Variants in RASEF observed in about 807,000 individuals in gnomAD.
RASEF encodes the protein RAS and EF-hand domain containing.
RASEF carries 68 observed loss-of-function variants against 90.1 expected under a neutral mutation model. The ratio of observed to expected loss-of-function variants is 0.75; its 90% CI spans 0.62 to 0.92. The LOEUF (loss-of-function observed/expected upper bound fraction) is 0.92. RASEF is among the 40% of genes least tolerant of loss of function. RASEF has a pLI of 0.00. For missense variants in RASEF, 949 were observed against 937.2 expected (o/e 1.01, Z -0.16); for synonymous variants, 331 against 345.2 (o/e 0.96, Z 0.46).
At chr9:83,132,918 T>C in the RASEF span, among the ~76,000 whole-genome samples, 4 of 152,186 alleles carry the variant, frequency 2.6e-5, no homozygotes, top group Admixed American at 2.6e-4. Context: ...TCTTGGTAAC[T>C]CCTGTGTGTG....
At chr9:83,128,569 T>C in the RASEF span, among the ~76,000 whole-genome samples, 1 of 151,616 alleles carries the variant, frequency 6.6e-6, no homozygotes, top group East Asian at 1.9e-4. Flanking sequence ...AACCACCCAG[T>C]TTTGGGTGGG....
the RASEF span, among the ~76,000 whole-genome samples, chr9:83,199,628 A>C: frequency 6.6e-6 from 1 of 152,252 alleles, no homozygotes; most frequent in Non-Finnish European, 1.5e-5. Flanking sequence ...ACTAAAGGAC[A>C]ACATCTGTCA....
the RASEF span, among the ~76,000 whole-genome samples, chr9:83,118,482 G>A: frequency 2.0e-5 from 3 of 151,864 alleles, no homozygotes; most frequent in African/African-American, 4.9e-5. Flanking sequence ...TTTATTTCTC[G>A]TATTTCTTTC....
intron 5 of RASEF, among the ~76,000 whole-genome samples, chr9:83,010,474 AT>A (rs1425572794): frequency 6.6e-6 from 1 of 152,186 alleles, no homozygotes; most frequent in African/African-American, 2.4e-5. Flanking sequence ...GAAATGGAAG[AT>A]TAGAGGAAGT....
the RASEF span, among the ~76,000 whole-genome samples, chr9:83,144,801 G>C: frequency 1.8e-4 from 27 of 152,180 alleles, no homozygotes; most frequent in Non-Finnish European, 3.1e-4. Flanking sequence ...CCAGGGCTCA[G>C]AGTGGCATGA....
At chr9:82,997,166 G>T in intron 13 of RASEF, 40 bp from the exon 14 acceptor site, 1 of 1,247,822 alleles carries the variant, frequency 8.0e-7, no homozygotes, top group Non-Finnish European at 1.2e-6. Flanking sequence ...AGTTTGTGTT[G>T]CCTCATTCTT....
chr9:83,202,343 C>A, the RASEF span, among the ~76,000 whole-genome samples: 2 of 152,096 alleles, frequency 1.3e-5, no homozygotes, highest in East Asian at 3.8e-4. Flanking sequence ...GAAAACAGAA[C>A]TATAAATAAT....
At chr9:83,204,750 T>G in the RASEF span, among the ~76,000 whole-genome samples, 1 of 152,336 alleles carries the variant, frequency 6.6e-6, no homozygotes, top group Non-Finnish European at 1.5e-5. Flanking sequence ...TTGATGATGC[T>G]GATACTGATA....
At chr9:83,218,920 G>T in the RASEF span, among the ~76,000 whole-genome samples, 6 of 152,170 alleles carry the variant, frequency 3.9e-5, no homozygotes, top group Admixed American at 6.5e-5. Context: ...CCGTGCAAAG[G>T]CAAATTGCTA....
intron 1 of RASEF, chr9:83,048,690 T>A: frequency 1.0e-6 from 1 of 985,412 alleles, no homozygotes; most frequent in Non-Finnish European, 1.2e-6. Flanking sequence ...TTTTCCATAG[T>A]GTTATGCCCT....
chr9:83,027,252 T>A (rs1829564786), intron 1 of RASEF, among the ~76,000 whole-genome samples: 1 of 152,166 alleles, frequency 6.6e-6, no homozygotes, highest in African/African-American at 2.4e-5. Context: ...TTATGGTGAT[T>A]GCACTGCACA....
At chr9:83,045,798 GCCC>G (rs1332571812) in intron 1 of RASEF, among the ~76,000 whole-genome samples, 2 of 152,138 alleles carry the variant, frequency 1.3e-5, no homozygotes, top group Admixed American at 1.3e-4. Context: ...TTCCCAGTGT[GCCC>G]CCAAGTAACA....
At chr9:83,071,019 G>A in the RASEF span, among the ~76,000 whole-genome samples, 1 of 152,134 alleles carries the variant, frequency 6.6e-6, no homozygotes, top group Non-Finnish European at 1.5e-5. Flanking sequence ...CTGTTTTATA[G>A]AATTCTTAGA....
Position 82,992,984 on chromosome 9 carries a change from G to A in RASEF, c.1962C>T (p.Asn654=), listed in dbSNP as rs1279817972. 1.9e-6 allele frequency: 3 copies of A among 1,613,682 alleles called. No homozygotes were observed. Among genetic ancestry groups the A allele is most frequent in the African/African-American group, 2.7e-5 (2 of 74,810 alleles). The change falls in exon 15 of 17, where the codon AAC becomes AAT. Residue 654 remains asparagine (N), a synonymous_variant. Transcript: ENST00000376447. ...CAGCAGTGTCACGAATGTCAGCCTT[G>A]TTTCCTACCAGCATAATGGGAACAG... is the stretch of plus-strand genomic sequence containing the variant. ...HETVPIMLVG[N]KADIRDTAAT...
At chr9:83,120,858 C>T in the RASEF span, among the ~76,000 whole-genome samples, 47 of 152,204 alleles carry the variant, frequency 3.1e-4, no homozygotes, top group African/African-American at 1.0e-3. Flanking sequence ...TTGAGAAACC[C>T]GGAATTCCTT....
At chr9:83,033,133 C>T (rs1332788196) in intron 1 of RASEF, among the ~76,000 whole-genome samples, 7 of 152,104 alleles carry the variant, frequency 4.6e-5, no homozygotes, top group Non-Finnish European at 1.0e-4. Flanking sequence ...CGAAAGCACA[C>T]AGTAATAAAT....
At chr9:83,045,571 G>A (rs1465904117) in intron 1 of RASEF, among the ~76,000 whole-genome samples, 1 of 152,194 alleles carries the variant, frequency 6.6e-6, no homozygotes, top group Non-Finnish European at 1.5e-5. Flanking sequence ...GGAGAGAGGT[G>A]ATGCATTATC....
the RASEF span, among the ~76,000 whole-genome samples, chr9:83,202,698 A>G: frequency 6.6e-6 from 1 of 152,082 alleles, no homozygotes; most frequent in Non-Finnish European, 1.5e-5. Context: ...GGGTCTTGCC[A>G]TGTTGGCCAG....
the RASEF span, among the ~76,000 whole-genome samples, chr9:83,181,419 G>C: frequency 6.6e-6 from 1 of 152,122 alleles, no homozygotes; most frequent in African/African-American, 2.4e-5. Context: ...ATTGAGGAAG[G>C]ACCAAAATGG....
Sources: allele counts gnomAD v4.1 joint callset (sites outside exome capture counted in the v4.1 genomes callset), GRCh38; gene constraint gnomAD v4.1.1; transcripts MANE v1.5; gene names NCBI Gene and HGNC (gene_info 2026-07-23, HGNC 2026-07-21).